The following PXDN variants were observed in gnomAD, a reference collection of about 807,000 sequenced individuals.
The protein encoded by PXDN is peroxidasin.
PXDN carries 77 observed loss-of-function variants against 140.3 expected under a neutral mutation model. That is an observed-to-expected ratio of 0.55 (90% CI 0.46 to 0.66). The LOEUF (loss-of-function observed/expected upper bound fraction) is 0.66. PXDN is among the 30% of genes least tolerant of loss of function. The pLI is 0.00. For missense variants in PXDN, 1,838 were observed against 2,039.5 expected, an observed-to-expected ratio of 0.90 and a Z score of 1.90; for synonymous variants, 911 against 857.4, an observed-to-expected ratio of 1.06 and a Z score of -1.09.
intron 9 of PXDN, among the ~76,000 whole-genome samples, chr2:1,671,812 T>C (rs755392825): frequency 7.2e-5 from 11 of 152,162 alleles, no homozygotes; most frequent in Non-Finnish European, 1.5e-4. Context: ...GTTTTAAGTT[T>C]TGAAGGCCAC....
intron 3 of PXDN, among the ~76,000 whole-genome samples, chr2:1,688,601 G>A (rs958645585): frequency 1.3e-5 from 2 of 152,288 alleles, no homozygotes; most frequent in Non-Finnish European, 1.5e-5. Flanking sequence ...AGCAGCTTGG[G>A]GGACCCCAAG....
rs1683203162 is a variant in PXDN, at chr2:1,658,072, CTCTCTCT to C, written c.1837+2802_1837+2808del. On this transcript the variant is annotated intron_variant, in intron 14 of 22. Transcript: ENST00000252804. ...TCTCTCTCTCTCTCTCTCTCTCTCT[CTCTCTCT>C]CTCTCTCTCTCTCTGTTACAGTGTC... Among the ~76,000 whole-genome samples the C allele has an allele frequency of 1.2e-4, 11 of 95,604 alleles. 2 individuals are homozygous for C. Among genetic ancestry groups the C allele is most frequent in the South Asian group, 6.0e-4 (2 of 3,314 alleles). The allele number at this position is 95,604 out of a possible 152,430, so 62.7% of individuals were successfully genotyped here.
intron 1 of PXDN, among the ~76,000 whole-genome samples, chr2:1,703,417 GA>G (rs1453841240): frequency 5.4e-5 from 3 of 56,008 alleles, no homozygotes; most frequent in South Asian, 9.8e-4. Flanking sequence ...CCAGGTGAAG[GA>G]GGGACAACTC....
intron 14 of PXDN, among the ~76,000 whole-genome samples, chr2:1,657,269 C>T (rs1023087634): frequency 6.6e-6 from 1 of 151,028 alleles, no homozygotes; most frequent in Non-Finnish European, 1.5e-5. Flanking sequence ...GGGAACAGCC[C>T]CCTCCTGACT....
chr2:1,675,787 C>T (rs1225062863), intron 8 of PXDN, among the ~76,000 whole-genome samples: 1 of 100,098 alleles, frequency 1.0e-5, no homozygotes, highest in Non-Finnish European at 1.8e-5. Flanking sequence ...TGCCTCATCA[C>T]AGTTTGAGCC....
chr2:1,738,272 T>A (rs774049051), intron 1 of PXDN, among the ~76,000 whole-genome samples: 2 of 152,176 alleles, frequency 1.3e-5, no homozygotes, highest in Admixed American at 6.5e-5. Context: ...AGAGCTCACG[T>A]GTTGGTCACT....
chr2:1,676,554 C>T (rs544002498), intron 8 of PXDN: 70 of 267,430 alleles, frequency 2.6e-4, no homozygotes, highest in African/African-American at 1.0e-3. Context: ...TCACAATGCC[C>T]CAGGTCAAGG....
In PXDN at chr2:1,648,271, T is replaced by G; in HGVS notation, c.3509A>C (p.Tyr1170Ser). 1 of 1,613,962 alleles carries G rather than the reference T, an allele frequency of 6.2e-7. No homozygotes were observed. The highest frequency in any genetic ancestry group is 8.5e-7 in the Non-Finnish European group (1 of 1,179,882). ...ATTGCAGTAGACCCTGTAGTCGTGG[T>G]AGGGTGGGATCCCGTGGTCCCGGCC... ...QRGRDHGIPP[Y>S]HDYRVYCNLS... is the part of the protein sequence containing the mutation. Residue 1170 changes from tyrosine to serine, a missense_variant, in exon 17 of 23, where the codon TAC becomes TCC. By Grantham distance (144) the Tyr-to-Ser change is moderately radical (BLOSUM62 -2). Around this residue, in one of 5 missense-constraint regions of PXDN, gnomAD observed 850 missense variants for 894.1 expected, o/e 0.95. Transcript: ENST00000252804. This position sits in a 1 kb window ranked among gnomAD's most constrained non-coding sequence, Gnocchi z 8.9.
At position 1,632,271 on chromosome 2, in the gene PXDN, C is replaced by T. The variant is rs553060141; in HGVS notation, c.*1933G>A. The T allele has an allele frequency of 6.6e-6, 1 of 152,330 alleles. No homozygotes were observed. Among genetic ancestry groups the T allele is most frequent in the East Asian group, 1.9e-4 (1 of 5,172 alleles). 9.4% of individuals were successfully genotyped at this position (152,330 alleles called of 1,614,324 possible). On this transcript the variant is annotated 3_prime_UTR_variant, in exon 23 of 23. Coordinates refer to ENST00000252804, the MANE Select transcript of PXDN (RefSeq NM_012293.3). The surrounding 1 kb of genome is among the most constrained non-coding windows in gnomAD (Gnocchi z 4.3). ...GTGTGCTACAGGTGTGCCGCCTCAG[C>T]ACTGAGACCATGAGGCCTCCAGGGC... is the stretch of plus-strand genomic sequence containing the variant.
At chr2:1,676,738 C>A (rs1683726677) in intron 8 of PXDN, among the ~76,000 whole-genome samples, 189 bp downstream of exon 8, 1 of 152,214 alleles carries the variant, frequency 6.6e-6, no homozygotes, top group Non-Finnish European at 1.5e-5. Flanking sequence ...CCCAGCCTGG[C>A]AGAAACGTCG....
rs901640696 is a variant in PXDN at position 1,651,304 on chromosome 2, G to A, written c.2105-1629C>T. Among the ~76,000 whole-genome samples the A allele has an allele frequency of 1.2e-4, 18 of 152,142 alleles. No homozygotes were observed. Among genetic ancestry groups the A allele is most frequent in the African/African-American group, 2.9e-4 (12 of 41,430 alleles). On this transcript the variant is annotated intron_variant, in intron 16 of 22. Coordinates refer to ENST00000252804, the MANE Select transcript of PXDN (RefSeq NM_012293.3). This position sits in a 1 kb window ranked among gnomAD's most constrained non-coding sequence, Gnocchi z 4.4. ...CCAGAATGTTCACTTTTTCCGTGGC[G>A]TTGGCCATTGGTTCAGAGGCAGACC...
intron 21 of PXDN, among the ~76,000 whole-genome samples, chr2:1,638,270 T>C (rs1682622691): frequency 6.6e-6 from 1 of 152,106 alleles, no homozygotes; most frequent in South Asian, 2.1e-4. Flanking sequence ...ATCCCAGAGA[T>C]AACCCCCACC....
intron 15 of PXDN, 33 bp from the exon 16 acceptor site, chr2:1,653,818 T>C (rs778347946): frequency 2.0e-5 from 30 of 1,515,080 alleles, no homozygotes; most frequent in Non-Finnish European, 2.5e-5. Flanking sequence ...AAAGGAAGAA[T>C]GAAACAAATT....
intron 3 of PXDN, among the ~76,000 whole-genome samples, chr2:1,689,686 A>C (rs900771842): frequency 1.3e-5 from 2 of 152,146 alleles, no homozygotes; most frequent in African/African-American, 4.8e-5. Context: ...CAGGAGGCTA[A>C]GGCAGGAGAA....
chr2:1,671,064 C>A (rs1206461872), intron 9 of PXDN, among the ~76,000 whole-genome samples: 1 of 151,008 alleles, frequency 6.6e-6, no homozygotes, highest in Non-Finnish European at 1.5e-5. Context: ...ACTGGGAGAA[C>A]AAAATAATAA....
rs987273056 is a variant in PXDN at position 1,632,660 on chromosome 2, G to C, written c.*1544C>G. ...TGTCTCCTTGGGAGGATGTGCACCT[G>C]GAACACGGGTTGTGCACAAATCACA... On this transcript the variant is annotated 3_prime_UTR_variant, in exon 23 of 23. Coordinates refer to ENST00000252804, the MANE Select transcript of PXDN (RefSeq NM_012293.3). This position sits in a 1 kb window ranked among gnomAD's most constrained non-coding sequence, Gnocchi z 4.3. 1.3e-5 allele frequency: 2 copies of C among 152,212 alleles called. No individual in the cohort carries two copies. The highest frequency in any genetic ancestry group is 2.4e-5 in the African/African-American group (1 of 41,444). The allele number at this position is 152,212 out of a possible 1,614,324, so 9.4% of individuals were successfully genotyped here. A position where few individuals can be genotyped will look rare whatever the true frequency, so the allele number is the denominator to read the frequency against.
chr2:1,721,084 G>A (rs1685039594), intron 1 of PXDN, among the ~76,000 whole-genome samples: 2 of 152,206 alleles, frequency 1.3e-5, no homozygotes, highest in South Asian at 4.1e-4. Flanking sequence ...AAAGTCTCCA[G>A]ATTTAAATGT....
chr2:1,658,108 G>A (rs977868168), intron 14 of PXDN, among the ~76,000 whole-genome samples: 4 of 133,570 alleles, frequency 3.0e-5, no homozygotes, highest in Non-Finnish European at 6.1e-5. Flanking sequence ...CAGTGTCTGC[G>A]TGCGTCCACT....
intron 1 of PXDN, among the ~76,000 whole-genome samples, chr2:1,729,170 A>T (rs555206285): frequency 3.9e-5 from 6 of 152,360 alleles, no homozygotes; most frequent in African/African-American, 1.2e-4. Flanking sequence ...CATGACAGGC[A>T]CAAACGCTAG....
Sources: allele counts gnomAD v4.1 joint callset (sites outside exome capture counted in the v4.1 genomes callset), GRCh38; gene constraint gnomAD v4.1.1; regional missense constraint gnomAD v4.1.1; non-coding constraint Gnocchi (gnomAD v3.1); transcripts MANE v1.5; gene names NCBI Gene and HGNC (gene_info 2026-07-23, HGNC 2026-07-21).